Variants in ERC1 observed in about 807,000 individuals in gnomAD.
ERC1 encodes the protein RAB6 interacting protein 2.
ERC1 carries 56 observed loss-of-function variants against 132.0 expected under a neutral mutation model. That is an observed-to-expected ratio of 0.42 (90% confidence interval 0.34 to 0.53). The LOEUF (loss-of-function observed/expected upper bound fraction) is 0.53. Ranked by LOEUF, ERC1 falls within the 20% of genes least tolerant of loss-of-function variation. The probability of loss-of-function intolerance (pLI) is 0.03; values close to 1 mark genes in which losing one functional copy is unlikely to be tolerated. For missense variants in ERC1, 1,202 were observed against 1,349.9 expected (o/e 0.89, Z 1.72); for synonymous variants, 478 against 476.1 (o/e 1.00, Z -0.05).
chr12:1,223,366 C>T (rs968040810), intron 12 of ERC1, among the ~76,000 whole-genome samples: 5 of 152,224 alleles, frequency 3.3e-5, no homozygotes, highest in African/African-American at 1.2e-4. Context: ...GCCTGCCTGG[C>T]ATAGTCTGCA....
chr12:1,459,731 G>C (rs1255218359), intron 18 of ERC1, among the ~76,000 whole-genome samples: 1 of 152,208 alleles, frequency 6.6e-6, no homozygotes, highest in Non-Finnish European at 1.5e-5. Flanking sequence ...TTAGCACAAA[G>C]TATTTATAGT....
intron 13 of ERC1, among the ~76,000 whole-genome samples, chr12:1,256,404 T>G (rs1254665520): frequency 6.9e-6 from 1 of 145,196 alleles, no homozygotes; most frequent in Non-Finnish European, 1.5e-5. Flanking sequence ...ACTCTGAGTA[T>G]TTCGTTCTCA....
At chr12:1,338,090 G>A (rs1195547702) in intron 15 of ERC1, among the ~76,000 whole-genome samples, 1 of 152,184 alleles carries the variant, frequency 6.6e-6, no homozygotes, top group Admixed American at 6.5e-5. Flanking sequence ...TCTCTAGCTA[G>A]GGTTGGGAAG....
chr12:1,295,226 T>C (rs144845321), intron 15 of ERC1, among the ~76,000 whole-genome samples: 1 of 152,318 alleles, frequency 6.6e-6, no homozygotes, highest in East Asian at 1.9e-4. Context: ...CACTTAGCTT[T>C]TCAGGTCTGC....
At chr12:1,096,441 GT>G (rs1944049382) in intron 3 of ERC1, among the ~76,000 whole-genome samples, 3 of 152,312 alleles carry the variant, frequency 2.0e-5, no homozygotes, top group African/African-American at 7.2e-5. Context: ...ATTGTTTACA[GT>G]TAGCAGAGTT....
Position 1,134,345 on chromosome 12 carries a change from AT to A in ERC1, c.1570-7259del, listed in dbSNP as rs200661798. 8.4e-3 allele frequency among the ~76,000 whole-genome samples: 1,211 copies of A among 143,378 alleles called. 5 individuals are homozygous for A. Among genetic ancestry groups the A allele is most frequent in the African/African-American group, 0.02 (787 of 39,088 alleles). 94.1% of individuals were successfully genotyped at this position (143,378 alleles called of 152,430 possible). On this transcript the variant is annotated intron_variant, in intron 7 of 18. Transcript: ENST00000360905. The stretch of plus-strand genomic sequence containing the variant: ...TTATTGTTATTTAAAAGCTGTTCTA[AT>A]TTTTTTTTTTTTTTTAAAGATACAG...
chr12:1,241,847 C>CT (rs57016547), intron 13 of ERC1, among the ~76,000 whole-genome samples: 1,064 of 80,432 alleles, frequency 0.013, 93 homozygotes, highest in Non-Finnish European at 0.014. Flanking sequence ...TCTTCTTCTT[C>CT]TTTTTTTTTT....
chr12:1,128,850 A>G (rs994753930), intron 7 of ERC1, among the ~76,000 whole-genome samples: 26 of 152,242 alleles, frequency 1.7e-4, no homozygotes, highest in African/African-American at 6.3e-4. Context: ...TGGAAAACTC[A>G]GTATATTAGT....
Position 1,492,290 on chromosome 12 carries a change from GC to G in ERC1, c.*2063del. Reference sequence around the variant, plus strand: ...TTACCTCAATTCTGTTCATTGCAGTGCCCGTAAACCATGTAGAAAGCTCCCA... The same window carrying G: ...TTACCTCAATTCTGTTCATTGCAGTGCCGTAAACCATGTAGAAAGCTCCCA... On this transcript the variant is annotated 3_prime_UTR_variant, in exon 19 of 19. Coordinates refer to ENST00000360905, the MANE Select transcript of ERC1 (RefSeq NM_178040.4). The G allele has an allele frequency of 4.3e-6, 1 of 233,244 alleles. No individual in the cohort carries two copies. Among genetic ancestry groups the G allele is most frequent in the Non-Finnish European group, 8.5e-6 (1 of 118,022 alleles). The allele number at this position is 233,244 out of a possible 1,614,324, so 14.4% of individuals were successfully genotyped here. A position where few individuals can be genotyped will look rare whatever the true frequency, so the allele number is the denominator to read the frequency against.
At chr12:1,428,327 A>G (rs1010190224) in intron 17 of ERC1, among the ~76,000 whole-genome samples, 24 of 152,206 alleles carry the variant, frequency 1.6e-4, no homozygotes, top group Admixed American at 9.2e-4. Flanking sequence ...GTTTTACCCT[A>G]AAGAAAAGTT....
intron 15 of ERC1, among the ~76,000 whole-genome samples, chr12:1,359,267 A>G (rs1183706117): frequency 6.6e-6 from 1 of 152,160 alleles, no homozygotes; most frequent in Non-Finnish European, 1.5e-5. Flanking sequence ...TTCTGTCAAA[A>G]TAGGTAGACA....
At chr12:1,155,626 G>A (rs1951312598) in intron 8 of ERC1, among the ~76,000 whole-genome samples, 2 of 152,008 alleles carry the variant, frequency 1.3e-5, no homozygotes, top group Non-Finnish European at 1.5e-5. Context: ...ACAGGCACGT[G>A]CCACCACGCC....
intron 16 of ERC1, chr12:1,381,182 T>G (rs1053494935): frequency 5.3e-5 from 8 of 152,236 alleles, no homozygotes; most frequent in Non-Finnish European, 7.3e-5. Context: ...AGCATCAGCC[T>G]CCCAGCTGTC....
At chr12:1,286,293 CAAAAAAA>C (rs71293127) in intron 14 of ERC1, among the ~76,000 whole-genome samples, 19 of 81,286 alleles carry the variant, frequency 2.3e-4, no homozygotes, top group Admixed American at 1.0e-3. Context: ...GACTCCATCT[CAAAAAAA>C]AAAAAAAAAA....
At chr12:1,375,963 C>G (rs11613922) in intron 16 of ERC1, among the ~76,000 whole-genome samples, 2,379 of 152,144 alleles carry the variant, frequency 0.016, 29 homozygotes, top group Non-Finnish European at 0.027. Flanking sequence ...ATCTTGAGCT[C>G]CAGACCTCGT....
rs138814591 is a variant in ERC1 at position 1,021,623 on chromosome 12, C to T, written c.-156-6125C>T. On this transcript the variant is annotated intron_variant, in intron 1 of 18. Transcript: ENST00000360905. The stretch of plus-strand genomic sequence containing the variant: ...CTGAGGCAGAAGAATGGCATGAACC[C>T]GGGAGGCGGAGCTTGCAGTGAGCCC... 6.2e-3 allele frequency among the ~76,000 whole-genome samples: 941 copies of T among 151,172 alleles called. 10 individuals are homozygous for T. Among genetic ancestry groups the T allele is most frequent in the African/African-American group, 0.019 (776 of 41,128 alleles).
intron 15 of ERC1, among the ~76,000 whole-genome samples, chr12:1,323,278 A>G (rs1209654580): frequency 3.3e-5 from 5 of 152,216 alleles, no homozygotes; most frequent in Admixed American, 2.6e-4. Context: ...GGCTACAACC[A>G]AAAGTATTGT....
intron 10 of ERC1, among the ~76,000 whole-genome samples, chr12:1,182,947 A>T (rs575489445): frequency 6.6e-6 from 1 of 152,188 alleles, no homozygotes; most frequent in African/African-American, 2.4e-5. Context: ...GTTTACAGGT[A>T]TCTGGCCGAA....
chr12:1,144,633 TAC>T lies in ERC1; in HGVS notation c.1737+2847_1737+2848del, dbSNP rs1491413808. On this transcript the variant is annotated intron_variant, in intron 8 of 18. Coordinates refer to ENST00000360905, the MANE Select transcript of ERC1 (RefSeq NM_178040.4). Reference sequence around the variant, plus strand: ...TTTGTGGTATATATATATATATATATACGTGTATATATATACGTATATATATA... The same window carrying T: ...TTTGTGGTATATATATATATATATATGTGTATATATATACGTATATATATA... 2.7e-5 allele frequency among the ~76,000 whole-genome samples: 4 copies of T among 149,480 alleles called. 1 individual carries two copies. Among genetic ancestry groups the T allele is most frequent in the African/African-American group, 1.0e-4 (4 of 40,068 alleles).
Sources: allele counts gnomAD v4.1 joint callset (sites outside exome capture counted in the v4.1 genomes callset), GRCh38; gene constraint gnomAD v4.1.1; transcripts MANE v1.5; gene names NCBI Gene and HGNC (gene_info 2026-07-23, HGNC 2026-07-21).